Variants in DAB2 observed in about 807,000 individuals in gnomAD.
DAB2 encodes the protein disabled homolog 2.
DAB2 carries 28 observed loss-of-function variants against 71.6 expected under a neutral mutation model. The observed-to-expected ratio is 0.39, with a 90% CI of 0.29 to 0.54. DAB2 has a LOEUF of 0.54. DAB2 is among the 20% of genes least tolerant of loss of function. The pLI is 0.68. For missense variants in DAB2, 867 were observed against 928.8 expected, an observed-to-expected ratio of 0.93 and a Z score of 0.86; for synonymous variants, 345 against 339.7, an observed-to-expected ratio of 1.02 and a Z score of -0.17.
chr5:39,381,490 T>C lies in DAB2; in HGVS notation c.1468A>G (p.Ser490Gly). 1.2e-6 allele frequency: 2 copies of C among 1,614,060 alleles called. No individual in the cohort carries two copies. The highest frequency in any genetic ancestry group is 1.7e-6 in the Non-Finnish European group (2 of 1,179,962). The change falls in exon 11 of 15, where the codon AGT becomes GGT. Residue 490 changes from serine to glycine, a missense_variant. This residue lies in a region of DAB2 where 740 missense variants were observed against 734.3 expected (regional missense o/e 1.01). Transcript: ENST00000320816. ...QPNPLDLFKTSAPAPVGPLVG... is the reference protein window; with the variant it reads ...QPNPLDLFKTGAPAPVGPLVG... The stretch of plus-strand genomic sequence containing the variant: ...AGGGGCCCCACTGGGGCAGGAGCAC[T>C]TGTTTTGAAGAGATCCAGAGGGTTG...
In DAB2 at chr5:39,376,048, ATTG is replaced by A. The variant is rs750070246; in HGVS notation, c.2193_2195del (p.Asn732del). 2 of 1,614,120 alleles carry A rather than the reference ATTG, an allele frequency of 1.2e-6. No individual in the cohort carries two copies. The highest frequency in any genetic ancestry group is 4.5e-5 in the East Asian group (2 of 44,876). Reference sequence around the variant, plus strand: ...CTTTAAAGAAAGGGTTCTCAAATGCATTGTCAGTAGATTTGGTAACTGGCAGGG... The same window carrying A: ...CTTTAAAGAAAGGGTTCTCAAATGCATCAGTAGATTTGGTAACTGGCAGGG... On this transcript the variant is annotated inframe_deletion, in exon 13 of 15. Coordinates refer to ENST00000320816, the MANE Select transcript of DAB2 (RefSeq NM_001343.4).
In DAB2 at chr5:39,381,612, G is replaced by A; in HGVS notation, c.1346C>T (p.Ser449Leu). Reference sequence around the variant, plus strand: ...GTCTGATGCAAGCAAGTCATTGGCTGAAGACTGACAGGACAGGGAGGGAGG... The same window carrying A: ...GTCTGATGCAAGCAAGTCATTGGCTAAAGACTGACAGGACAGGGAGGGAGG... ...PGRGRRTAKS[S>L]ANDLLASDIF... Residue 449 changes from serine (S) to leucine (L), a missense_variant, in exon 11 of 15, where the codon TCA becomes TTA. Ser to Leu is a moderately radical substitution (Grantham distance 145). Around this residue, in one of 2 missense-constraint regions of DAB2, gnomAD observed 740 missense variants for 734.3 expected, o/e 1.01. Transcript: ENST00000320816. 6.2e-7 allele frequency: 1 copy of A among 1,613,902 alleles called. No homozygotes were observed. Among genetic ancestry groups the A allele is most frequent in the East Asian group, 2.2e-5 (1 of 44,882 alleles).
At chr5:39,374,092 T>A (rs905356182) in intron 14 of DAB2, among the ~76,000 whole-genome samples, 1 of 152,198 alleles carries the variant, frequency 6.6e-6, no homozygotes, top group African/African-American at 2.4e-5. Flanking sequence ...CTTATTGTTT[T>A]CGCCACGTTT....
At position 39,376,771 on chromosome 5, in the gene DAB2, C is replaced by T. The variant is rs1274063908; in HGVS notation, c.2016G>A (p.Glu672=). The T allele has an allele frequency of 1.2e-6, 2 of 1,614,162 alleles. No homozygotes were observed. Among genetic ancestry groups the T allele is most frequent in the Non-Finnish European group, 1.7e-6 (2 of 1,180,024 alleles). The change falls in exon 12 of 15, where the codon GAG becomes GAA. Residue 672 remains glutamate, a synonymous_variant. Transcript: ENST00000320816. ...CACTCAAAGTCCCAGAAGAAGTCTG[C>T]TCTCCCTTCCGCGCGGGCACAGCAG... ...QPPAVPARKG[E]QTSSGTLSAF...
At position 39,393,311 on chromosome 5, in the gene DAB2, A is replaced by G. The variant is rs879127513; in HGVS notation, c.174T>C (p.Asp58=). The G allele has an allele frequency of 6.2e-7, 1 of 1,613,886 alleles. No homozygotes were observed. The highest frequency in any genetic ancestry group is 1.1e-5 in the South Asian group (1 of 91,072). Residue 58 remains aspartate, a synonymous_variant, in exon 3 of 15, where the codon GAT becomes GAC. Coordinates refer to ENST00000320816, the MANE Select transcript of DAB2 (RefSeq NM_001343.4). ...VKYKAKLIGI[D]DVPDARGDKM... ...TATCCCCTCTTGCATCTGGCACATC[A>G]TCAATGCCAATCAGCTTGGCCTTAT...
intron 1 of DAB2, among the ~76,000 whole-genome samples, chr5:39,415,491 T>A (rs1366785658): frequency 6.6e-6 from 1 of 152,198 alleles, no homozygotes; most frequent in African/African-American, 2.4e-5. Context: ...ACCAGACATG[T>A]TCTGTGGCAC....
At chr5:39,389,042 A>G in intron 7 of DAB2, 55 bp downstream of exon 7, 4 of 1,565,380 alleles carry the variant, frequency 2.6e-6, no homozygotes, top group Non-Finnish European at 3.5e-6. Context: ...GGTAGAAAAC[A>G]GGGGCTTACG....
intron 1 of DAB2, among the ~76,000 whole-genome samples, chr5:39,406,369 T>C (rs965360306): frequency 1.3e-5 from 2 of 152,100 alleles, no homozygotes; most frequent in African/African-American, 2.4e-5. Context: ...GCACTTCCCA[T>C]ACCTGGAGAC....
At chr5:39,380,471 G>C (rs1754953183) in intron 11 of DAB2, among the ~76,000 whole-genome samples, 1 of 152,204 alleles carries the variant, frequency 6.6e-6, no homozygotes, top group African/African-American at 2.4e-5. Flanking sequence ...GGAGAGGAGA[G>C]TCCTTCCTCG....
chr5:39,377,336 T>A, intron 11 of DAB2, 54 bp from the exon 12 acceptor site: 1 of 1,551,030 alleles, frequency 6.4e-7, no homozygotes, highest in Non-Finnish European at 8.7e-7. Context: ...AAGAAGATTC[T>A]TGAATTTCAG....
intron 9 of DAB2, among the ~76,000 whole-genome samples, chr5:39,385,864 T>C (rs1336284649): frequency 2.0e-5 from 3 of 152,208 alleles, no homozygotes; most frequent in African/African-American, 7.2e-5. Flanking sequence ...CCACGTTGTT[T>C]CTAGCCCAAC....
chr5:39,416,106 C>T (rs993962964), intron 1 of DAB2, among the ~76,000 whole-genome samples: 1 of 152,000 alleles, frequency 6.6e-6, no homozygotes, highest in Non-Finnish European at 1.5e-5. Context: ...CCTTGCCTCA[C>T]CGCCACCCTG....
At chr5:39,377,306 C>T (rs759497698) in intron 11 of DAB2, 24 bp from the exon 12 acceptor site, 1 of 1,592,398 alleles carries the variant, frequency 6.3e-7, no homozygotes, top group Non-Finnish European at 8.6e-7. Flanking sequence ...AAGAAAAATA[C>T]TTATCAGGAG....
chr5:39,376,206 G>A, intron 12 of DAB2, 100 bp from the exon 13 acceptor site: 1 of 861,108 alleles, frequency 1.2e-6, no homozygotes, highest in Non-Finnish European at 1.8e-6. Flanking sequence ...CTATACTTTT[G>A]AAATTTACAT....
At chr5:39,375,974 A>G (rs1754817677) in intron 13 of DAB2, 23 bp downstream of exon 13, 2 of 1,571,530 alleles carry the variant, frequency 1.3e-6, no homozygotes, top group African/African-American at 1.4e-5. Flanking sequence ...TTTGGAGAAG[A>G]GCTTCTAGTA....
intron 11 of DAB2, among the ~76,000 whole-genome samples, chr5:39,379,501 C>T (rs1185540195): frequency 6.7e-6 from 1 of 149,832 alleles, no homozygotes; most frequent in East Asian, 2.0e-4. Context: ...GAATTCAAGG[C>T]TTTCCCAGTA....
At chr5:39,379,171 G>A (rs1042387959) in intron 11 of DAB2, among the ~76,000 whole-genome samples, 4 of 152,030 alleles carry the variant, frequency 2.6e-5, no homozygotes, top group Non-Finnish European at 5.9e-5. Context: ...AAAAATATTA[G>A]GGCTGGGCGC....
In DAB2 at chr5:39,390,024, T is replaced by G. The variant is rs1755189313; in HGVS notation, c.463-92A>C. The G allele has an allele frequency of 3.1e-6, 3 of 953,716 alleles. No individual in the cohort carries two copies. The Admixed American group carries it at 9.4e-5, about 30-fold the overall frequency. 59.1% of individuals were successfully genotyped at this position (953,716 alleles called of 1,614,324 possible). ...CAATTATAATTCATACTGGGATTTT[T>G]TTTTTAATCTTAAAACGCCTTACTA... On this transcript the variant is annotated intron_variant, in intron 5 of 14. Transcript: ENST00000320816.
chr5:39,377,250 G>A lies in DAB2; in HGVS notation c.1537C>T (p.Pro513Ser). ...GVTVTLPQAG[P>S]WNTASLVFNQ... Reference sequence around the variant, plus strand: ...AAGACCAAAGATGCTGTGTTCCATGGTCCTGCCTGAGGGAGTGTGACAGTT... The same window carrying A: ...AAGACCAAAGATGCTGTGTTCCATGATCCTGCCTGAGGGAGTGTGACAGTT... Residue 513 changes from proline to serine, a missense_variant, in exon 12 of 15, where the codon CCA becomes TCA. This residue lies in a region of DAB2 where 740 missense variants were observed against 734.3 expected (regional missense o/e 1.01). Coordinates refer to ENST00000320816, the MANE Select transcript of DAB2 (RefSeq NM_001343.4). 1 of 1,613,968 alleles carries A rather than the reference G, an allele frequency of 6.2e-7. No individual in the cohort carries two copies. The highest frequency in any genetic ancestry group is 8.5e-7 in the Non-Finnish European group (1 of 1,179,920).
Sources: gnomAD v4.1 joint callset for allele counts (sites outside exome capture counted in the v4.1 genomes callset) on GRCh38, gnomAD v4.1.1 for gene constraint, gnomAD v4.1.1 regional missense constraint, MANE v1.5 for transcripts, NCBI Gene and HGNC (gene_info 2026-07-23, HGNC 2026-07-21) for gene names.